SLC13A2: variants seen among roughly 807,000 people sequenced by gnomAD.
SLC13A2 encodes the protein solute carrier family 13 member 2.
In SLC13A2, 40 loss-of-function variants were observed where a neutral mutation model predicts 58.5. That is an observed-to-expected ratio of 0.68 (90% confidence interval 0.53 to 0.89). The LOEUF (loss-of-function observed/expected upper bound fraction) is 0.89, where lower values mean the gene tolerates loss of function less well. SLC13A2 is among the 40% of genes least tolerant of loss of function. The pLI is 0.00. For synonymous variants in SLC13A2, 341 were observed against 331.6 expected, an observed-to-expected ratio of 1.03 and a Z score of -0.31; for missense variants, 694 against 772.6, an observed-to-expected ratio of 0.90 and a Z score of 1.21.
chr17:28,475,067 G>A (rs73276443), intron 1 of SLC13A2, among the ~76,000 whole-genome samples: 4,598 of 152,318 alleles, frequency 0.03, 242 homozygotes, highest in African/African-American at 0.1. Context: ...CTCAGTGCTA[G>A]GGACCCATCA....
At position 28,493,158 on chromosome 17, in the gene SLC13A2, A is replaced by T. The variant is rs2069061828; in HGVS notation, c.879-413A>T. On this transcript the variant is annotated intron_variant, in intron 6 of 11. Coordinates refer to ENST00000314669, the MANE Select transcript of SLC13A2 (RefSeq NM_003984.4). The stretch of plus-strand genomic sequence containing the variant: ...GCTGCAGCCTACTGTGCCTCTGAGG[A>T]CAATGCAGGTGGGGCTCAGGCTGGC... Among the ~76,000 whole-genome samples, 3 of 152,168 alleles carry T rather than the reference A, an allele frequency of 2.0e-5. No individual in the cohort carries two copies. The South Asian group carries it at 6.2e-4, about 32-fold the overall frequency.
At chr17:28,492,833 T>G (rs2069055637) in intron 6 of SLC13A2, among the ~76,000 whole-genome samples, 1 of 152,248 alleles carries the variant, frequency 6.6e-6, no homozygotes, top group Admixed American at 6.5e-5. Context: ...TGGTATTAAT[T>G]ATAATTTGCC....
intron 1 of SLC13A2, among the ~76,000 whole-genome samples, chr17:28,485,092 C>T (rs1398132097): frequency 6.6e-6 from 1 of 152,218 alleles, no homozygotes; most frequent in Non-Finnish European, 1.5e-5. Flanking sequence ...GTAGCTGCTA[C>T]AGTCAAGGAA....
intron 3 of SLC13A2, 44 bp downstream of exon 3, chr17:28,490,634 G>A (rs377627411): frequency 1.9e-6 from 3 of 1,588,384 alleles, no homozygotes; most frequent in Non-Finnish European, 2.6e-6. Flanking sequence ...CTGACGAGGA[G>A]ATATTCTGGG....
rs1555604643 is a variant in SLC13A2 at position 28,496,453 on chromosome 17, C to T, written c.1474C>T (p.Gln492Ter). 6.2e-7 allele frequency: 1 copy of T among 1,602,656 alleles called. No individual in the cohort carries two copies. The change falls in exon 11 of 12, where the codon CAG (glutamine) becomes TAG (stop). Residue 492 changes from glutamine to a stop codon, truncating the protein, a stop_gained. Transcript: ENST00000314669. LOFTEE classifies it high-confidence loss of function. The surrounding 1 kb of genome is among the most constrained non-coding windows in gnomAD (Gnocchi z 4.2). The part of the protein sequence containing the change: ...IFLPILASMA[Q>*]AICLHPLYVM... ...GCGCCACTGCCTCCCACTCCAGGCC[C>T]AGGCCATCTGCCTCCACCCTCTCTA...
chr17:28,494,140 G>C lies in SLC13A2; in HGVS notation c.1186+35G>C, dbSNP rs782540271. The C allele has an allele frequency of 6.3e-7, 1 of 1,587,280 alleles. No homozygotes were observed. The highest frequency in any genetic ancestry group is 1.3e-5 in the African/African-American group (1 of 74,356). On this transcript the variant is annotated intron_variant, in intron 8 of 11. Transcript: ENST00000314669. The surrounding 1 kb of genome is among the most constrained non-coding windows in gnomAD (Gnocchi z 4.0). ...TGGACTGGGGCAGGGAAGGGTCTCC[G>C]GGCAGCCCCTGCCTTCAAGTATGTA...
intron 1 of SLC13A2, among the ~76,000 whole-genome samples, chr17:28,486,704 G>A (rs151044064): frequency 1.3e-5 from 2 of 152,110 alleles, no homozygotes; most frequent in African/African-American, 2.4e-5. Context: ...GCCCTAGGGA[G>A]ATAGAGAGGA....
In SLC13A2 at chr17:28,486,045, A is replaced by G. The variant is rs2068875099; in HGVS notation, c.103-3169A>G. Among the ~76,000 whole-genome samples, 3 of 152,196 alleles carry G rather than the reference A, an allele frequency of 2.0e-5. No individual in the cohort carries two copies. The South Asian group carries it at 6.2e-4, about 32-fold the overall frequency. On this transcript the variant is annotated intron_variant, in intron 1 of 11. Transcript: ENST00000314669. ...AATAAGAAATAAAATATACAAAATA[A>G]AATGCATGGGATTACAAATAAACCA...
At chr17:28,483,031 G>A (rs2068813385) in intron 1 of SLC13A2, among the ~76,000 whole-genome samples, 1 of 152,230 alleles carries the variant, frequency 6.6e-6, no homozygotes, top group South Asian at 2.1e-4. Flanking sequence ...CCATGTGCCA[G>A]CCTGTCCCCA....
chr17:28,474,709 G>A (rs1039965054), intron 1 of SLC13A2, among the ~76,000 whole-genome samples: 5 of 152,260 alleles, frequency 3.3e-5, no homozygotes, highest in African/African-American at 1.2e-4. Context: ...GCTTTGGGAA[G>A]GGTCCAGGGG....
chr17:28,493,693 T>C lies in SLC13A2; in HGVS notation c.1001T>C (p.Ile334Thr). The change falls in exon 7 of 12, where the codon ATC (isoleucine) becomes ACC (threonine). Residue 334 changes from isoleucine to threonine, a missense_variant. Coordinates refer to ENST00000314669, the MANE Select transcript of SLC13A2 (RefSeq NM_003984.4). The part of the protein sequence containing the change: ...PMTFAEKAIS[I>T]LFVILVLLWF... ...ACCTTTGCAGAAAAGGCCATCAGCA[T>C]CCTATTCGTCATCCTGGTGCTGCTC... is the stretch of plus-strand genomic sequence containing the variant. 1 of 1,614,244 alleles carries C rather than the reference T, an allele frequency of 6.2e-7. No homozygotes were observed. The highest frequency in any genetic ancestry group is 8.5e-7 in the Non-Finnish European group (1 of 1,180,054).
intron 2 of SLC13A2, 165 bp from the exon 3 acceptor site, chr17:28,490,288 TA>T (rs1555602932): frequency 3.2e-6 from 5 of 1,576,300 alleles, no homozygotes; most frequent in African/African-American, 1.4e-5. Flanking sequence ...AAGTTAAATT[TA>T]TTTTTTTTAA....
intron 1 of SLC13A2, among the ~76,000 whole-genome samples, chr17:28,477,364 T>G (rs1453748114): frequency 6.6e-6 from 1 of 151,430 alleles, no homozygotes; most frequent in Non-Finnish European, 1.5e-5. Context: ...CGGCTAATTT[T>G]TTTGTATTTT....
At chr17:28,481,196 G>A (rs1180895992) in intron 1 of SLC13A2, among the ~76,000 whole-genome samples, 3 of 152,236 alleles carry the variant, frequency 2.0e-5, no homozygotes, top group East Asian at 3.8e-4. Flanking sequence ...TTGCTCTTTA[G>A]TGCATACAGG....
At chr17:28,474,655 G>C (rs2068641028) in intron 1 of SLC13A2, among the ~76,000 whole-genome samples, 1 of 152,126 alleles carries the variant, frequency 6.6e-6, no homozygotes, top group Non-Finnish European at 1.5e-5. Flanking sequence ...GCCCCACTCT[G>C]TAAGAAAAAG....
At position 28,490,550 on chromosome 17, in the gene SLC13A2, G is replaced by A. The variant is rs781999580; in HGVS notation, c.328G>A (p.Ala110Thr). 8 of 1,611,616 alleles carry A rather than the reference G, an allele frequency of 5.0e-6. No individual in the cohort carries two copies. The highest frequency in any genetic ancestry group is 1.3e-5 in the African/African-American group (1 of 74,888). The part of the protein sequence containing the change: ...VEHWNLHKRI[A>T]LRVLLIVGVR... ...ACACTGGAACCTGCATAAACGCATCGCCCTCCGTGTCCTCCTCATCGTTGG... is the reference window on the plus strand; with the variant it reads ...ACACTGGAACCTGCATAAACGCATCACCCTCCGTGTCCTCCTCATCGTTGG... The change falls in exon 3 of 12, where the codon GCC becomes ACC. Residue 110 changes from alanine to threonine, a missense_variant. Physicochemically the swap from Ala to Thr is moderately conservative, Grantham distance 58 (BLOSUM62 0). Transcript: ENST00000314669.
At chr17:28,478,545 G>A (rs1223435435) in intron 1 of SLC13A2, among the ~76,000 whole-genome samples, 7 of 152,164 alleles carry the variant, frequency 4.6e-5, no homozygotes, top group African/African-American at 1.4e-4. Flanking sequence ...GAAGGTTGGT[G>A]GAGTTTTAAC....
chr17:28,490,344 C>T, intron 2 of SLC13A2, 110 bp from the exon 3 acceptor site: 1 of 1,612,822 alleles, frequency 6.2e-7, no homozygotes, highest in Non-Finnish European at 8.5e-7. Context: ...TTCGAGAGCC[C>T]AGGGGAATGC....
At chr17:28,491,336 C>G in intron 4 of SLC13A2, 101 bp from the exon 5 acceptor site, 1 of 1,307,164 alleles carries the variant, frequency 7.7e-7, no homozygotes, top group South Asian at 1.3e-5. Context: ...CCGGTCTGGG[C>G]TGTTCACAGA....
Sources: allele counts gnomAD v4.1 joint callset (sites outside exome capture counted in the v4.1 genomes callset), GRCh38; gene constraint gnomAD v4.1.1; non-coding constraint Gnocchi (gnomAD v3.1); transcripts MANE v1.5; gene names NCBI Gene and HGNC (gene_info 2026-07-23, HGNC 2026-07-21).